Variants in ADAMTS18 observed in about 807,000 individuals in gnomAD.
ADAMTS18 encodes A disintegrin and metalloproteinase with thrombospondin motifs 18.
ADAMTS18 carries 157 observed loss-of-function variants against 165.9 expected under a neutral mutation model. That is an observed-to-expected ratio of 0.95 (90% CI 0.83 to 1.08). The LOEUF (loss-of-function observed/expected upper bound fraction) is 1.08. Ranked by LOEUF, ADAMTS18 falls within the 50% of genes least tolerant of loss-of-function variation. ADAMTS18 has a pLI of 0.00. For synonymous variants in ADAMTS18, 782 were observed against 578.2 expected (o/e 1.35, Z -5.06); for missense variants, 2,040 against 1,534.0 (o/e 1.33, Z -5.51).
At position 77,364,354 on chromosome 16, in the gene ADAMTS18, G is replaced by C. The variant is rs746956218; in HGVS notation, c.806C>G (p.Thr269Ser). Reference sequence around the variant, plus strand: ...CCCATATTCATCAAACCTTAGATAGGTGTCCTCTGTGGGAGGCTTGGGAGC... The same window carrying C: ...CCCATATTCATCAAACCTTAGATAGCTGTCCTCTGTGGGAGGCTTGGGAGC... ...KYAPKPPTED[T>S]YLRFDEYGSS... Residue 269 changes from threonine (T) to serine (S), a missense_variant, in exon 5 of 23, where the codon ACC becomes AGC. Transcript: ENST00000282849. The C allele has an allele frequency of 5.0e-6, 8 of 1,613,638 alleles. No homozygotes were observed. The South Asian group carries it at 7.7e-5, about 16-fold the overall frequency.
At chr16:77,333,118 G>A (rs1023859707) in intron 12 of ADAMTS18, among the ~76,000 whole-genome samples, 2 of 152,154 alleles carry the variant, frequency 1.3e-5, no homozygotes, top group African/African-American at 4.8e-5. Flanking sequence ...GTAGCTCAGA[G>A]TCTTACTGGA....
chr16:77,434,254 C>T (rs939225992), intron 2 of ADAMTS18, among the ~76,000 whole-genome samples, 164 bp downstream of exon 2: 2 of 151,786 alleles, frequency 1.3e-5, no homozygotes, highest in African/African-American at 4.8e-5. Context: ...TTGATAAGTT[C>T]AGTCCTTGCC....
At chr16:77,414,336 C>T (rs1275859207) in intron 3 of ADAMTS18, among the ~76,000 whole-genome samples, 1 of 152,166 alleles carries the variant, frequency 6.6e-6, no homozygotes, top group Non-Finnish European at 1.5e-5. Flanking sequence ...CCTTAGTGGA[C>T]ACTTGAAATG....
intron 2 of ADAMTS18, among the ~76,000 whole-genome samples, chr16:77,432,824 G>C (rs1328765139): frequency 1.3e-5 from 2 of 150,084 alleles, no homozygotes; most frequent in Admixed American, 6.6e-5. Context: ...AAAGATCAAT[G>C]AGTGATGGCC....
intron 3 of ADAMTS18, among the ~76,000 whole-genome samples, chr16:77,428,176 C>T (rs981922663): frequency 1.3e-5 from 2 of 152,146 alleles, no homozygotes; most frequent in African/African-American, 4.8e-5. Flanking sequence ...AGTTTCATCT[C>T]CCAGTCTCAT....
intron 3 of ADAMTS18, among the ~76,000 whole-genome samples, chr16:77,424,467 T>TGA (rs2057646057): frequency 8.4e-6 from 1 of 118,488 alleles, no homozygotes; most frequent in Non-Finnish European, 1.8e-5. Context: ...AAACTCCATC[T>TGA]CAAAAAAAAA....
At position 77,342,167 on chromosome 16, in the gene ADAMTS18, T is replaced by C. The variant is rs186553167; in HGVS notation, c.1615-368A>G. On this transcript the variant is annotated intron_variant, in intron 10 of 22. Transcript: ENST00000282849. ...GCAAGTCGGATTCAAGTCTTCATCC[T>C]GAAATGCCTGGTTTCATGCCCTATG... 3.1e-4 allele frequency among the ~76,000 whole-genome samples: 47 copies of C among 152,334 alleles called. No homozygotes were observed. In the East Asian group the frequency reaches 6.0e-3, roughly 19 times the overall value.
intron 11 of ADAMTS18, among the ~76,000 whole-genome samples, chr16:77,340,706 A>C (rs556586777): frequency 2.0e-5 from 3 of 152,202 alleles, no homozygotes; most frequent in African/African-American, 4.8e-5. Flanking sequence ...TCAACCTCCC[A>C]AAGTGCTGGG....
intron 3 of ADAMTS18, among the ~76,000 whole-genome samples, chr16:77,370,281 G>T (rs1410616494): frequency 6.6e-6 from 1 of 152,144 alleles, no homozygotes; most frequent in Non-Finnish European, 1.5e-5. Flanking sequence ...ACTTAGAAAG[G>T]AAGAAGCCAA....
At chr16:77,361,201 G>A (rs979399729) in intron 7 of ADAMTS18, among the ~76,000 whole-genome samples, 1 of 152,106 alleles carries the variant, frequency 6.6e-6, no homozygotes, top group East Asian at 1.9e-4. Flanking sequence ...CTGCCACAGA[G>A]ACCTGTGGCC....
intron 3 of ADAMTS18, among the ~76,000 whole-genome samples, chr16:77,427,061 G>C (rs2057682854): frequency 6.6e-6 from 1 of 152,132 alleles, no homozygotes; most frequent in Non-Finnish European, 1.5e-5. Context: ...TGTCTAACAA[G>C]TTCCAAAAAT....
chr16:77,353,889 G>C lies in ADAMTS18; in HGVS notation c.1461-3C>G, dbSNP rs2056591858. The stretch of plus-strand genomic sequence containing the variant: ...CTAGACACCCCGCCTGAGGTGTGCT[G>C]TAATGACAATACATGCTTATTAATT... On this transcript the variant is annotated splice_polypyrimidine_tract_variant and splice_region_variant and intron_variant, in intron 9 of 22. Transcript: ENST00000282849. 2 of 1,614,142 alleles carry C rather than the reference G, an allele frequency of 1.2e-6. No individual in the cohort carries two copies. Among genetic ancestry groups the C allele is most frequent in the Non-Finnish European group, 1.7e-6 (2 of 1,180,020 alleles).
Position 77,431,457 on chromosome 16 carries a change from T to C in ADAMTS18, c.333A>G (p.Glu111=). The C allele has an allele frequency of 1.2e-6, 2 of 1,614,212 alleles. No individual in the cohort carries two copies. The highest frequency in any genetic ancestry group is 1.7e-6 in the Non-Finnish European group (2 of 1,180,038). ...TGCTCAAAATCGCCGAGGGCTTAAG[T>C]TCTAAGTGCAGTTCCTGTCCAAATG... The part of the protein sequence containing the change: ...FSAFGQELHL[E]LKPSAILSSH... Residue 111 remains glutamate, a synonymous_variant, in exon 3 of 23, where the codon GAA becomes GAG. Transcript: ENST00000282849.
chr16:77,433,074 G>C (rs2057757428), intron 2 of ADAMTS18, among the ~76,000 whole-genome samples: 1 of 152,138 alleles, frequency 6.6e-6, no homozygotes, highest in Non-Finnish European at 1.5e-5. Context: ...ATCTGAGCCA[G>C]ACATACAATA....
At chr16:77,417,156 G>A (rs1019810196) in intron 3 of ADAMTS18, among the ~76,000 whole-genome samples, 1 of 151,860 alleles carries the variant, frequency 6.6e-6, no homozygotes, top group Admixed American at 6.6e-5. Flanking sequence ...AAATGTCCAA[G>A]AATTTAGGAA....
chr16:77,325,730 A>T, intron 13 of ADAMTS18, 136 bp downstream of exon 13: 1 of 890,828 alleles, frequency 1.1e-6, no homozygotes, highest in Non-Finnish European at 1.7e-6. Context: ...GGAATGAAAC[A>T]CTGAGCCAGG....
At chr16:77,364,875 G>T (rs2056771022) in intron 4 of ADAMTS18, among the ~76,000 whole-genome samples, 1 of 152,106 alleles carries the variant, frequency 6.6e-6, no homozygotes, top group Non-Finnish European at 1.5e-5. Context: ...AGACGCAAAG[G>T]TGGGTGGATC....
intron 3 of ADAMTS18, chr16:77,378,940 T>C (rs1597198354): frequency 6.6e-6 from 1 of 152,150 alleles, no homozygotes; most frequent in Non-Finnish European, 1.5e-5. Context: ...TTTCAGTTTA[T>C]TGAGAAAAAC....
intron 7 of ADAMTS18, among the ~76,000 whole-genome samples, chr16:77,361,160 T>A (rs1361086417): frequency 1.3e-5 from 2 of 152,328 alleles, no homozygotes; most frequent in African/African-American, 4.8e-5. Context: ...TACTTGTGGC[T>A]GCTTTTGAAC....
Sources: allele counts gnomAD v4.1 joint callset (sites outside exome capture counted in the v4.1 genomes callset), GRCh38; gene constraint gnomAD v4.1.1; transcripts MANE v1.5; gene names NCBI Gene and HGNC (gene_info 2026-07-23, HGNC 2026-07-21).